Variants in RASL11B observed in about 807,000 individuals in gnomAD.
The protein encoded by RASL11B is ras-like protein family member 11B.
RASL11B carries 14 observed loss-of-function variants against 22.9 expected under a neutral mutation model. The observed-to-expected ratio is 0.61, with a 90% CI of 0.40 to 0.96. RASL11B has a LOEUF of 0.96. RASL11B is among the 40% of genes least tolerant of loss of function. The probability of loss-of-function intolerance (pLI) is 0.00; values close to 1 mark genes in which losing one functional copy is unlikely to be tolerated. For missense variants in RASL11B, 261 were observed against 322.0 expected (o/e 0.81, Z 1.45); for synonymous variants, 143 against 130.2 (o/e 1.10, Z -0.67).
In RASL11B at chr4:52,865,573, G is replaced by C; in HGVS notation, c.515G>C (p.Ser172Thr). 1.2e-6 allele frequency: 2 copies of C among 1,614,150 alleles called. No individual in the cohort carries two copies. Among genetic ancestry groups the C allele is most frequent in the Non-Finnish European group, 1.7e-6 (2 of 1,179,980 alleles). ...VDPQLGLQLA[S>T]MLGCSFYEVS... ...CCTCAGCTTGGACTGCAGCTAGCCA[G>C]CATGCTAGGCTGCTCATTCTATGAA... The change falls in exon 4 of 4, where the codon AGC becomes ACC. Residue 172 changes from serine to threonine, a missense_variant. Physicochemically the swap from Ser to Thr is moderately conservative, Grantham distance 58. Coordinates refer to ENST00000248706, the MANE Select transcript of RASL11B (RefSeq NM_023940.3).
chr4:52,865,345 A>G lies in RASL11B; in HGVS notation c.287A>G (p.Asn96Ser). 3 of 1,605,538 alleles carry G rather than the reference A, an allele frequency of 1.9e-6. No homozygotes were observed. Among genetic ancestry groups the G allele is most frequent in the Non-Finnish European group, 2.6e-6 (3 of 1,173,162 alleles). The change falls in exon 4 of 4, where the codon AAC (asparagine) becomes AGC (serine). Residue 96 changes from asparagine to serine, a missense_variant. Asn to Ser is a conservative substitution (Grantham distance 46). Coordinates refer to ENST00000248706, the MANE Select transcript of RASL11B (RefSeq NM_023940.3). ...QDTPGIQVHE[N>S]SLSCSEQLNR... ...ACTCCTCTCTTTCAGGTCCATGAGA[A>G]CAGCCTGAGCTGCAGTGAACAGCTG...
rs1718248099 is a variant in RASL11B at position 52,865,744 on chromosome 4, A to T, written c.686A>T (p.Asp229Val). 1 of 1,613,904 alleles carries T rather than the reference A, an allele frequency of 6.2e-7. No individual in the cohort carries two copies. Among genetic ancestry groups the T allele is most frequent in the African/African-American group, 1.3e-5 (1 of 74,910 alleles). ...AGGCCCAAGTCACCCAACATGCAGGACCTGAAGAGGAGGTTTAAGCAAGCC... is the reference window on the plus strand; with the variant it reads ...AGGCCCAAGTCACCCAACATGCAGGTCCTGAAGAGGAGGTTTAAGCAAGCC... The part of the protein sequence containing the change: ...IPRPKSPNMQ[D>V]LKRRFKQALS... Residue 229 changes from aspartate to valine, a missense_variant, in exon 4 of 4, where the codon GAC becomes GTC. Physicochemically the swap from Asp to Val is radical, Grantham distance 152. Coordinates refer to ENST00000248706, the MANE Select transcript of RASL11B (RefSeq NM_023940.3).
chr4:52,865,125 G>C (rs533275379), intron 3 of RASL11B, among the ~76,000 whole-genome samples: 2 of 152,322 alleles, frequency 1.3e-5, no homozygotes, highest in South Asian at 2.1e-4. Context: ...TTTTCCACTT[G>C]AGTGTGGTAA....
intron 1 of RASL11B, 141 bp downstream of exon 1, chr4:52,862,790 T>A: frequency 9.7e-7 from 1 of 1,029,546 alleles, no homozygotes; most frequent in Non-Finnish European, 1.4e-6. Flanking sequence ...CCCTTGGGAG[T>A]GGGCTTAGCC....
At chr4:52,864,136 CAAAG>C (rs1487509863) in intron 2 of RASL11B, 6 of 182,390 alleles carry the variant, frequency 3.3e-5, no homozygotes, top group Non-Finnish European at 6.8e-5. Context: ...AAGTTACAGT[CAAAG>C]AATGAATCAA....
At chr4:52,862,958 A>AT (rs1718188091) in intron 1 of RASL11B, among the ~76,000 whole-genome samples, 4 of 146,552 alleles carry the variant, frequency 2.7e-5, no homozygotes, top group African/African-American at 1.0e-4. Context: ...TAGTGAAGCT[A>AT]GCCCCCCTGG....
At chr4:52,864,201 C>G in intron 2 of RASL11B, 1 of 309,534 alleles carries the variant, frequency 3.2e-6, no homozygotes, top group Non-Finnish European at 5.9e-6. Context: ...TAATTTGCAT[C>G]AAGGGAGTAC....
intron 2 of RASL11B, chr4:52,864,259 A>G (rs1008373172): frequency 2.4e-5 from 11 of 451,198 alleles, no homozygotes; most frequent in Admixed American, 4.0e-5. Flanking sequence ...AGTTTTCAAA[A>G]ACTTGCAAAC....
rs946207797 is a variant in RASL11B, at chr4:52,864,567, G to C, written c.276+13G>C. The C allele has an allele frequency of 6.4e-7, 1 of 1,562,322 alleles. No homozygotes were observed. The highest frequency in any genetic ancestry group is 1.4e-5 in the African/African-American group (1 of 73,902). On this transcript the variant is annotated intron_variant, in intron 3 of 3. Coordinates refer to ENST00000248706, the MANE Select transcript of RASL11B (RefSeq NM_023940.3). ...TCCAGGTATTCAGGTGAGAAGCTCT[G>C]AGACTCTGGGTGAAAGGGGAACCTA...
At chr4:52,864,974 C>G (rs1718230579) in intron 3 of RASL11B, among the ~76,000 whole-genome samples, 2 of 152,136 alleles carry the variant, frequency 1.3e-5, no homozygotes, top group African/African-American at 4.8e-5. Flanking sequence ...GTTTTTCCCC[C>G]CGCCTCCTGA....
rs919690487 is a variant in RASL11B, at chr4:52,862,351, C to T, written c.-157C>T. The T allele has an allele frequency of 9.1e-5, 65 of 717,678 alleles. 1 individual carries two copies. The highest frequency in any genetic ancestry group is 1.1e-4 in the Admixed American group (3 of 27,044). 44.5% of individuals were successfully genotyped at this position (717,678 alleles called of 1,614,324 possible). ...CTGGAGCCTGAGCCCTGCGGAACCT[C>T]GGCGCTCGGCCCCACCCCGCCCGTA... On this transcript the variant is annotated 5_prime_UTR_variant, in exon 1 of 4. Transcript: ENST00000248706.
chr4:52,862,770 G>A, intron 1 of RASL11B, 121 bp downstream of exon 1: 1 of 1,199,896 alleles, frequency 8.3e-7, no homozygotes, highest in South Asian at 1.6e-5. Flanking sequence ...CCCGCGCAGG[G>A]AGCCGCTGCC....
chr4:52,862,556 G>A lies in RASL11B; in HGVS notation c.49G>A (p.Gly17Ser), dbSNP rs1463574168. 2 of 1,605,484 alleles carry A rather than the reference G, an allele frequency of 1.2e-6. No homozygotes were observed. The highest frequency in any genetic ancestry group is 1.7e-6 in the Non-Finnish European group (2 of 1,177,406). ...MCTIAEYPAP[G>S]NAAASDCCVG... is the part of the protein sequence containing the mutation. ...CACCATCGCCGAGTACCCCGCGCCG[G>A]GCAACGCCGCGGCCTCCGACTGCTG... The change falls in exon 1 of 4, where the codon GGC (glycine) becomes AGC (serine). Residue 17 changes from glycine (G) to serine (S), a missense_variant. Coordinates refer to ENST00000248706, the MANE Select transcript of RASL11B (RefSeq NM_023940.3).
At position 52,862,646 on chromosome 4, in the gene RASL11B, A is replaced by G; in HGVS notation, c.139A>G (p.Thr47Ala). Reference protein sequence around the residue: ...AVVGASGVGKTALVVRFLTKR... With the variant: ...AVVGASGVGKAALVVRFLTKR... Reference sequence around the variant, plus strand: ...GGTGGGCGCCAGCGGCGTGGGCAAGACCGGTGAGTCGTCGCGCTTAGCCCT... The same window carrying G: ...GGTGGGCGCCAGCGGCGTGGGCAAGGCCGGTGAGTCGTCGCGCTTAGCCCT... The change falls in exon 1 of 4, where the codon ACC (threonine) becomes GCC (alanine). Residue 47 changes from threonine to alanine, a missense_variant. Coordinates refer to ENST00000248706, the MANE Select transcript of RASL11B (RefSeq NM_023940.3). The G allele has an allele frequency of 6.4e-7, 1 of 1,567,812 alleles. No individual in the cohort carries two copies. Among genetic ancestry groups the G allele is most frequent in the Non-Finnish European group, 8.6e-7 (1 of 1,165,936 alleles).
chr4:52,863,490 A>G, intron 2 of RASL11B, 166 bp downstream of exon 2: 1 of 637,862 alleles, frequency 1.6e-6, no homozygotes, highest in Non-Finnish European at 2.8e-6. Flanking sequence ...CCCCTCCCAT[A>G]ACTACCATCT....
rs184435620 is a variant in RASL11B at position 52,866,230 on chromosome 4, T to C, written c.*425T>C. 467 of 167,478 alleles carry C rather than the reference T, an allele frequency of 2.8e-3. 1 individual carries two copies. The highest frequency in any genetic ancestry group is 4.5e-3 in the Non-Finnish European group (348 of 77,680). The allele number at this position is 167,478 out of a possible 1,614,324, so 10.4% of individuals were successfully genotyped here. A position where few individuals can be genotyped will look rare whatever the true frequency, so the allele number is the denominator to read the frequency against. Reference sequence around the variant, plus strand: ...CCCTTTTTTCTTTTTTCTCTTTTCTTCTTTCTTTTCCTCTTTTTCCCCAAG... The same window carrying C: ...CCCTTTTTTCTTTTTTCTCTTTTCTCCTTTCTTTTCCTCTTTTTCCCCAAG... On this transcript the variant is annotated 3_prime_UTR_variant, in exon 4 of 4. Transcript: ENST00000248706.
chr4:52,862,434 C>G lies in RASL11B; in HGVS notation c.-74C>G, dbSNP rs1718174667. On this transcript the variant is annotated 5_prime_UTR_variant, in exon 1 of 4. Coordinates refer to ENST00000248706, the MANE Select transcript of RASL11B (RefSeq NM_023940.3). ...GCGGAGCCCCGCAGTCGGGTCCTCC[C>G]GCCCGCTCCCGCGCAGCGCTAGCAT... 14 of 1,514,984 alleles carry G rather than the reference C, an allele frequency of 9.2e-6. No individual in the cohort carries two copies. The Admixed American group carries it at 1.2e-4, about 13-fold the overall frequency. 93.8% of individuals were successfully genotyped at this position (1,514,984 alleles called of 1,614,324 possible).
Position 52,866,599 on chromosome 4 carries a change from C to CA in RASL11B, c.*795dup, listed in dbSNP as rs1718266391. 6.6e-6 allele frequency: 1 copy of CA among 152,488 alleles called. No individual in the cohort carries two copies. The highest frequency in any genetic ancestry group is 2.4e-5 in the African/African-American group (1 of 41,382). 9.4% of individuals were successfully genotyped at this position (152,488 alleles called of 1,614,324 possible). On this transcript the variant is annotated 3_prime_UTR_variant, in exon 4 of 4. Transcript: ENST00000248706. The stretch of plus-strand genomic sequence containing the variant: ...CTGTTCCATCAGGAAAAAAATGTGT[C>CA]AGTTGATTTTGGTGTGACTTGTGTA...
chr4:52,865,769 C>T lies in RASL11B; in HGVS notation c.711C>T (p.Ala237=), dbSNP rs1255802107. The T allele has an allele frequency of 6.2e-7, 1 of 1,613,876 alleles. No individual in the cohort carries two copies. Among genetic ancestry groups the T allele is most frequent in the Non-Finnish European group, 8.5e-7 (1 of 1,179,998 alleles). The change falls in exon 4 of 4, where the codon GCC becomes GCT. Residue 237 remains alanine, a synonymous_variant. Transcript: ENST00000248706. Reference sequence around the variant, plus strand: ...ACCTGAAGAGGAGGTTTAAGCAAGCCCTCTCTGCCAAAGTGAGGACTGTCA... The same window carrying T: ...ACCTGAAGAGGAGGTTTAAGCAAGCTCTCTCTGCCAAAGTGAGGACTGTCA... ...MQDLKRRFKQ[A]LSAKVRTVTS... is the part of the protein sequence containing the mutation.
Sources: allele counts gnomAD v4.1 joint callset (sites outside exome capture counted in the v4.1 genomes callset), GRCh38; gene constraint gnomAD v4.1.1; transcripts MANE v1.5; gene names NCBI Gene and HGNC (gene_info 2026-07-23, HGNC 2026-07-21).